Variants in USP24 observed in about 807,000 individuals in gnomAD.
USP24 encodes ubiquitin carboxyl-terminal hydrolase 24.
USP24 carries 97 observed loss-of-function variants against 361.6 expected under a neutral mutation model. The ratio of observed to expected loss-of-function variants is 0.27; its 90% confidence interval spans 0.23 to 0.32. USP24 has a LOEUF of 0.32. USP24 is among the 10% of genes least tolerant of loss of function. USP24 has a pLI of 1.00. For missense variants in USP24, 2,353 were observed against 3,165.6 expected, an observed-to-expected ratio of 0.74 and a Z score of 6.16; for synonymous variants, 1,098 against 1,124.6, an observed-to-expected ratio of 0.98 and a Z score of 0.47.
At chr1:55,149,256 G>A (rs992251274) in intron 16 of USP24, among the ~76,000 whole-genome samples, 2 of 152,122 alleles carry the variant, frequency 1.3e-5, no homozygotes, top group African/African-American at 4.8e-5. Context: ...TTTATAAAGA[G>A]AACTACTTTT....
chr1:55,154,393 C>T lies in USP24; in HGVS notation c.1628G>A (p.Arg543His), dbSNP rs1460756549. ...TGCCTTTCCAGAAGTGGTCTCAAAG[C>T]GAGCTTCCCGGCCTATTCGTCCAAT... ...SLIGRIGREARFETTSGKVLD... is the reference protein window; with the variant it reads ...SLIGRIGREAHFETTSGKVLD... Residue 543 changes from arginine to histidine, a missense_variant, in exon 14 of 68, where the codon CGC (arginine) becomes CAC (histidine). Around this residue, in one of 8 missense-constraint regions of USP24, gnomAD observed 386 missense variants for 560.5 expected, o/e 0.69. Transcript: ENST00000294383. 11 of 1,551,370 alleles carry T rather than the reference C, an allele frequency of 7.1e-6. No homozygotes were observed. Among genetic ancestry groups the T allele is most frequent in the Admixed American group, 2.0e-5 (1 of 50,992 alleles).
chr1:55,153,060 A>C (rs1463784386), intron 16 of USP24, among the ~76,000 whole-genome samples: 1 of 152,192 alleles, frequency 6.6e-6, no homozygotes, highest in Non-Finnish European at 1.5e-5. Context: ...AGAAAGCGGA[A>C]GCCTTTCCAG....
chr1:55,091,761 T>G (rs888797231), intron 54 of USP24, among the ~76,000 whole-genome samples: 1 of 152,186 alleles, frequency 6.6e-6, no homozygotes, highest in African/African-American at 2.4e-5. Flanking sequence ...TACTCTAATC[T>G]CCTTATCTGG....
At chr1:55,124,663 A>G in intron 34 of USP24, 35 bp from the exon 35 acceptor site, 1 of 1,609,330 alleles carries the variant, frequency 6.2e-7, no homozygotes, top group South Asian at 1.1e-5. Flanking sequence ...AGAAAGAGCA[A>G]TACTTGAACA....
intron 31 of USP24, among the ~76,000 whole-genome samples, chr1:55,131,807 G>A (rs1386670417): frequency 2.0e-5 from 3 of 152,152 alleles, no homozygotes; most frequent in Non-Finnish European, 4.4e-5. Flanking sequence ...GCACTGATAT[G>A]GATTCTATTC....
chr1:55,139,390 G>A (rs186970327), intron 24 of USP24, among the ~76,000 whole-genome samples: 181 of 152,246 alleles, frequency 1.2e-3, no homozygotes, highest in Non-Finnish European at 1.8e-3. Flanking sequence ...ACAATTCTGT[G>A]AACACATGAA....
chr1:55,196,538 C>A (rs952477901), intron 1 of USP24, among the ~76,000 whole-genome samples: 1 of 152,030 alleles, frequency 6.6e-6, no homozygotes, highest in East Asian at 1.9e-4. Context: ...AGTTATATTA[C>A]CCCTGTTAAG....
intron 9 of USP24, 110 bp downstream of exon 9, chr1:55,159,501 T>C: frequency 1.1e-6 from 1 of 871,892 alleles, no homozygotes; most frequent in Non-Finnish European, 1.8e-6. Flanking sequence ...TCGATGTGAA[T>C]GCATGTGACC....
At position 55,149,451 on chromosome 1, in the gene USP24, C is replaced by A. The variant is rs1647130955; in HGVS notation, c.1861-881G>T. On this transcript the variant is annotated intron_variant, in intron 16 of 67. Coordinates refer to ENST00000294383, the MANE Select transcript of USP24 (RefSeq NM_015306.3). ...TGAGCCTTAGTGTAAGATGAAGACCCTTGTGGAGGGGAAATACACTTTTGT... is the reference window on the plus strand; with the variant it reads ...TGAGCCTTAGTGTAAGATGAAGACCATTGTGGAGGGGAAATACACTTTTGT... Among the ~76,000 whole-genome samples the A allele has an allele frequency of 2.0e-5, 3 of 152,070 alleles. No individual in the cohort carries two copies. In the South Asian group the frequency reaches 6.2e-4, roughly 32 times the overall value.
intron 3 of USP24, among the ~76,000 whole-genome samples, chr1:55,173,041 T>C (rs1230886231): frequency 6.6e-6 from 1 of 152,210 alleles, no homozygotes; most frequent in African/African-American, 2.4e-5. Flanking sequence ...TGGCTGTCCA[T>C]ATTAATATTT....
At chr1:55,190,448 A>G (rs1644256819) in intron 1 of USP24, among the ~76,000 whole-genome samples, 1 of 152,198 alleles carries the variant, frequency 6.6e-6, no homozygotes, top group Non-Finnish European at 1.5e-5. Flanking sequence ...TGTCCTTGGC[A>G]AAAATTACAT....
At chr1:55,158,835 G>C in intron 10 of USP24, 43 bp downstream of exon 10, 2 of 1,372,074 alleles carry the variant, frequency 1.5e-6, no homozygotes, top group Non-Finnish European at 1.9e-6. Flanking sequence ...GCAGAACTTA[G>C]TATCTGTGCA....
At chr1:55,197,968 C>T (rs1209859060) in intron 1 of USP24, among the ~76,000 whole-genome samples, 1 of 152,036 alleles carries the variant, frequency 6.6e-6, no homozygotes, top group Non-Finnish European at 1.5e-5. Context: ...TCTGTGAGTA[C>T]CAAATAAGAT....
chr1:55,107,556 C>T, intron 39 of USP24, 126 bp from the exon 40 acceptor site: 3 of 1,163,900 alleles, frequency 2.6e-6, no homozygotes, highest in Non-Finnish European at 3.5e-6. Context: ...AAAAAACTAT[C>T]ATTAAGGCCA....
intron 32 of USP24, among the ~76,000 whole-genome samples, chr1:55,129,039 T>C (rs1646518647): frequency 6.6e-6 from 1 of 152,128 alleles, no homozygotes; most frequent in Non-Finnish European, 1.5e-5. Flanking sequence ...ACTTATAATA[T>C]AGTTACCTAG....
At position 55,096,987 on chromosome 1, in the gene USP24, G is replaced by A. The variant is rs747815855; in HGVS notation, c.5901C>T (p.His1967=). 3 of 1,613,724 alleles carry A rather than the reference G, an allele frequency of 1.9e-6. No individual in the cohort carries two copies. The highest frequency in any genetic ancestry group is 2.5e-6 in the Non-Finnish European group (3 of 1,179,856). Residue 1967 remains histidine, a synonymous_variant, in exon 49 of 68, where the codon CAC becomes CAT. Transcript: ENST00000294383. The stretch of plus-strand genomic sequence containing the variant: ...TAATGAAGGAATAGTAGTGGCCTGC[G>A]TGTGCCTGCCCACTGTGTACGATGA... ...VGVIVHSGQA[H]AGHYYSFIKD...
chr1:55,142,558 CTA>C (rs1248493354), intron 23 of USP24, among the ~76,000 whole-genome samples, 182 bp downstream of exon 23: 2 of 152,062 alleles, frequency 1.3e-5, no homozygotes, highest in African/African-American at 2.4e-5. Flanking sequence ...GAAAGATTTC[CTA>C]TAGAGTACAC....
chr1:55,091,199 C>T (rs991590844), intron 54 of USP24, among the ~76,000 whole-genome samples: 1 of 85,954 alleles, frequency 1.2e-5, no homozygotes, highest in African/African-American at 2.7e-5. Context: ...GCCTGGGACC[C>T]GTTAGGAACA....
Position 55,132,558 on chromosome 1 carries a change from A to C in USP24, c.3524T>G (p.Leu1175Arg), listed in dbSNP as rs1646622806. 1.5e-5 allele frequency: 25 copies of C among 1,613,162 alleles called. No homozygotes were observed. The highest frequency in any genetic ancestry group is 2.7e-5 in the African/African-American group (2 of 74,904). Reference sequence around the variant, plus strand: ...TAGGTTTCTTACTTCTAAGTTGTAGAGCACTCTGAAGGTAGACATTCCCGG... The same window carrying C: ...TAGGTTTCTTACTTCTAAGTTGTAGCGCACTCTGAAGGTAGACATTCCCGG... Reference protein sequence around the residue: ...FAPGMSTFRVLYNLEVLSSKL... With the variant: ...FAPGMSTFRVRYNLEVLSSKL... The change falls in exon 31 of 68, where the codon CTC (leucine) becomes CGC (arginine). Residue 1175 changes from leucine to arginine, a missense_variant. Leu to Arg is a moderately radical substitution (Grantham distance 102). Coordinates refer to ENST00000294383, the MANE Select transcript of USP24 (RefSeq NM_015306.3).
Sources: allele counts gnomAD v4.1 joint callset (sites outside exome capture counted in the v4.1 genomes callset), GRCh38; gene constraint gnomAD v4.1.1; regional missense constraint gnomAD v4.1.1; transcripts MANE v1.5; gene names NCBI Gene and HGNC (gene_info 2026-07-23, HGNC 2026-07-21).